Variants in TPTE observed in about 807,000 individuals in gnomAD.
TPTE encodes the protein transmembrane phosphatase with tensin homology.
A neutral mutation model predicts 84.1 loss-of-function variants in TPTE; 59 were observed. The observed-to-expected ratio is 0.70, with a 90% confidence interval of 0.57 to 0.87. The LOEUF (loss-of-function observed/expected upper bound fraction) is 0.87, where lower values mean the gene tolerates loss of function less well. Among genes scored for constraint, TPTE ranks in the 40% least tolerant of loss-of-function variants. The pLI is 0.00. For missense variants in TPTE, 382 were observed against 659.6 expected, an observed-to-expected ratio of 0.58 and a Z score of 4.61; for synonymous variants, 130 against 223.5, an observed-to-expected ratio of 0.58 and a Z score of 3.73.
At position 10,541,135 on chromosome 21, in the gene TPTE, G is replaced by A; in HGVS notation, c.35G>A (p.Gly12Glu). The A allele has an allele frequency of 1.2e-6, 2 of 1,613,362 alleles. No homozygotes were observed. Among genetic ancestry groups the A allele is most frequent in the Non-Finnish European group, 1.7e-6 (2 of 1,179,358 alleles). The change falls in exon 5 of 24, where the codon GGA (glycine) becomes GAA (glutamate). Residue 12 changes from glycine to glutamate, a missense_variant. Coordinates refer to ENST00000618007, the MANE Select transcript of TPTE (RefSeq NM_199261.4). ...NESPDPTDLA[G>E]VIIELGPNDS... ...AGTCCTGATCCGACTGACCTGGCGG[G>A]AGTCATCATTGAGCTCGGCCCCAAT...
chr21:10,585,024 G>A (rs1446236178), intron 17 of TPTE, among the ~76,000 whole-genome samples: 1 of 152,308 alleles, frequency 6.6e-6, no homozygotes, highest in Admixed American at 6.5e-5. Flanking sequence ...TTGAGGCCAG[G>A]AGTTTAAGAC....
intron 4 of TPTE, chr21:10,540,705 C>T (rs368873632): frequency 1.4e-4 from 71 of 519,460 alleles, no homozygotes; most frequent in Non-Finnish European, 8.8e-5. Flanking sequence ...GCTACTTGGC[C>T]GCAACTCTTG....
intron 7 of TPTE, among the ~76,000 whole-genome samples, chr21:10,544,417 C>T (rs558541921): frequency 2.6e-5 from 4 of 152,424 alleles, no homozygotes; most frequent in African/African-American, 7.2e-5. Flanking sequence ...GATGAAGTCT[C>T]GCTGTTGCCC....
At chr21:10,559,875 A>T (rs1283431807) in intron 9 of TPTE, among the ~76,000 whole-genome samples, 21 of 146,476 alleles carry the variant, frequency 1.4e-4, no homozygotes, top group Non-Finnish European at 2.4e-4. Context: ...CTCCATGTAA[A>T]AAAAAAAAAA....
At chr21:10,527,133 C>CCTCTCTCTCTCTCT (rs59412977) in intron 2 of TPTE, among the ~76,000 whole-genome samples, 11 of 148,494 alleles carry the variant, frequency 7.4e-5, no homozygotes, top group Non-Finnish European at 1.2e-4. Flanking sequence ...TTCTGTGTCC[C>CCTCTCTCTCTCTCT]CTCTCTCTCT....
chr21:10,536,071 A>G (rs551237346), intron 3 of TPTE, among the ~76,000 whole-genome samples: 11 of 152,420 alleles, frequency 7.2e-5, no homozygotes, highest in African/African-American at 2.6e-4. Context: ...TGAGGCCAGG[A>G]ATTTGAGACC....
At chr21:10,541,059 C>G (rs2074360009) in intron 4 of TPTE, 53 bp from the exon 5 acceptor site, 2 of 1,609,514 alleles carry the variant, frequency 1.2e-6, no homozygotes, top group Admixed American at 1.7e-5. Context: ...CTATTTGTTG[C>G]AAAACATTAG....
At chr21:10,559,567 C>G (rs1336972270) in intron 9 of TPTE, 23 bp downstream of exon 9, 4 of 1,612,002 alleles carry the variant, frequency 2.5e-6, no homozygotes, top group Non-Finnish European at 2.5e-6. Flanking sequence ...TAGAAAACAC[C>G]ATGTATTAAA....
chr21:10,526,095 C>T (rs1354907988), intron 2 of TPTE, among the ~76,000 whole-genome samples: 2 of 152,312 alleles, frequency 1.3e-5, no homozygotes, highest in African/African-American at 2.4e-5. Context: ...CATAGACAAT[C>T]CAATTATTCA....
Position 10,598,045 on chromosome 21 carries a change from A to G in TPTE, c.1307A>G (p.Glu436Gly), listed in dbSNP as rs553246393. The G allele has an allele frequency of 1.8e-5, 29 of 1,613,750 alleles. No homozygotes were observed. Among genetic ancestry groups the G allele is most frequent in the Middle Eastern group, 3.3e-4 (2 of 6,040 alleles). The change falls in exon 21 of 24, where the codon GAA (glutamate) becomes GGA (glycine). Residue 436 changes from glutamate (E) to glycine (G), a missense_variant. Transcript: ENST00000618007. ...RYVRDLKIQIEMEKKVVFSTI... is the reference protein window; with the variant it reads ...RYVRDLKIQIGMEKKVVFSTI... ...GTACGTGATCTAAAAATCCAAATAGAAATGGAGAAAAAGGTTGTCTTTTCC... is the reference window on the plus strand; with the variant it reads ...GTACGTGATCTAAAAATCCAAATAGGAATGGAGAAAAAGGTTGTCTTTTCC...
chr21:10,528,243 T>A (rs1293141097), intron 3 of TPTE, among the ~76,000 whole-genome samples: 1 of 152,312 alleles, frequency 6.6e-6, no homozygotes, highest in Non-Finnish European at 1.5e-5. Context: ...TTCTTACTAT[T>A]TACCTTTCAA....
chr21:10,547,795 A>T (rs919243638), intron 7 of TPTE, among the ~76,000 whole-genome samples: 1 of 152,310 alleles, frequency 6.6e-6, no homozygotes, highest in Non-Finnish European at 1.5e-5. Context: ...CTGTAACTCA[A>T]GTAATGCAGA....
intron 9 of TPTE, among the ~76,000 whole-genome samples, chr21:10,560,248 T>G (rs1204342412): frequency 6.6e-6 from 1 of 152,312 alleles, no homozygotes; most frequent in Non-Finnish European, 1.5e-5. Context: ...TACTCTTTAA[T>G]TCTGGAAACA....
intron 5 of TPTE, among the ~76,000 whole-genome samples, chr21:10,541,625 A>G (rs1247907208): frequency 6.6e-6 from 1 of 152,310 alleles, no homozygotes; most frequent in Non-Finnish European, 1.5e-5. Flanking sequence ...TCATGTATAG[A>G]TAACTTCCAC....
intron 4 of TPTE, among the ~76,000 whole-genome samples, chr21:10,540,041 C>G (rs145492940): frequency 2.1e-5 from 1 of 47,822 alleles, no homozygotes; most frequent in African/African-American, 5.1e-5. Context: ...CAAACAAAAA[C>G]AAAAAACCAA....
intron 10 of TPTE, 125 bp downstream of exon 10, chr21:10,561,316 AC>A: frequency 7.6e-7 from 1 of 1,307,624 alleles, no homozygotes; most frequent in Admixed American, 2.5e-5. Context: ...ACATGGTGAA[AC>A]CCCGTCTCTA....
chr21:10,542,581 A>G (rs1387986429), intron 6 of TPTE, 133 bp downstream of exon 6: 5 of 1,268,920 alleles, frequency 3.9e-6, no homozygotes, highest in African/African-American at 1.5e-5. Flanking sequence ...CCATCCATCC[A>G]TCCATCCATT....
chr21:10,605,669 A>T lies in TPTE; in HGVS notation c.*117A>T. 1 of 1,485,244 alleles carries T rather than the reference A, an allele frequency of 6.7e-7. No homozygotes were observed. Among genetic ancestry groups the T allele is most frequent in the Non-Finnish European group, 9.0e-7 (1 of 1,111,618 alleles). 92.0% of individuals were successfully genotyped at this position (1,485,244 alleles called of 1,614,324 possible). On this transcript the variant is annotated 3_prime_UTR_variant, in exon 24 of 24. Coordinates refer to ENST00000618007, the MANE Select transcript of TPTE (RefSeq NM_199261.4). ...TTGAAGTATTTATTTATGTTTATAT[A>T]TGTTTATATATGTTCTTCATAAATC...
intron 10 of TPTE, among the ~76,000 whole-genome samples, chr21:10,567,276 T>C (rs370498392): frequency 6.6e-6 from 1 of 152,426 alleles, no homozygotes; most frequent in African/African-American, 2.4e-5. Flanking sequence ...AGATTGACCA[T>C]AGTCAACAAT....
Sources: gnomAD v4.1 joint callset for allele counts (sites outside exome capture counted in the v4.1 genomes callset) on GRCh38, gnomAD v4.1.1 for gene constraint, MANE v1.5 for transcripts, NCBI Gene and HGNC (gene_info 2026-07-23, HGNC 2026-07-21) for gene names.